Variants in DCAKD observed in about 807,000 individuals in gnomAD.
The protein encoded by DCAKD is dephospho-CoA kinase domain-containing protein.
In DCAKD, 15 loss-of-function variants were observed where a neutral mutation model predicts 18.7. That is an observed-to-expected ratio of 0.80 (90% CI 0.54 to 1.24). The LOEUF is 1.24. Ranked by LOEUF, DCAKD falls within the 50% of genes most tolerant of loss-of-function variation. DCAKD has a pLI of 0.00. For synonymous variants in DCAKD, 130 were observed against 133.0 expected, an observed-to-expected ratio of 0.98 and a Z score of 0.16; for missense variants, 301 against 322.0, an observed-to-expected ratio of 0.93 and a Z score of 0.50.
chr17:45,029,258 TG>T (rs2053124019), intron 4 of DCAKD, among the ~76,000 whole-genome samples: 1 of 152,140 alleles, frequency 6.6e-6, no homozygotes, highest in African/African-American at 2.4e-5. Context: ...CGACAGCCCA[TG>T]GGGACCCAGG....
At chr17:45,029,044 C>G (rs2053118743) in intron 4 of DCAKD, among the ~76,000 whole-genome samples, 1 of 152,242 alleles carries the variant, frequency 6.6e-6, no homozygotes, top group Non-Finnish European at 1.5e-5. Flanking sequence ...TCCCTAAATA[C>G]AAAGCTCCAA....
At position 45,024,947 on chromosome 17, in the gene DCAKD, C is replaced by CA. The variant is rs547405256; in HGVS notation, c.405-224dup. Among the ~76,000 whole-genome samples, 250 of 151,814 alleles carry CA rather than the reference C, an allele frequency of 1.6e-3. 1 individual carries two copies. Among genetic ancestry groups the CA allele is most frequent in the African/African-American group, 5.7e-3 (236 of 41,402 alleles). ...CCCACTCCACTCACTGTGAGGAACC[C>CA]AGAGCTCTATGGGCTACGGAAGCCC... On this transcript the variant is annotated intron_variant, in intron 4 of 4. Transcript: ENST00000651974.
At chr17:45,039,835 G>T (rs1417730680) in intron 1 of DCAKD, among the ~76,000 whole-genome samples, 1 of 152,232 alleles carries the variant, frequency 6.6e-6, no homozygotes, top group Non-Finnish European at 1.5e-5. Flanking sequence ...CTCCCCTGGG[G>T]CCAGGCGCAG....
chr17:45,028,016 C>T (rs1405447212), intron 4 of DCAKD, among the ~76,000 whole-genome samples: 3 of 150,092 alleles, frequency 2.0e-5, no homozygotes, highest in Non-Finnish European at 4.4e-5. Context: ...AAGCAAAGCA[C>T]AGGAAGGACA....
At chr17:45,044,650 C>T (rs62065821) in intron 1 of DCAKD, among the ~76,000 whole-genome samples, 23,489 of 151,496 alleles carry the variant, frequency 0.16, 2,100 homozygotes, top group Middle Eastern at 0.22. Context: ...CGAGATTGTG[C>T]CATTGCACTC....
chr17:45,028,189 A>G (rs1448949543), intron 4 of DCAKD, among the ~76,000 whole-genome samples: 1 of 150,092 alleles, frequency 6.7e-6, no homozygotes, highest in East Asian at 2.0e-4. Flanking sequence ...GCTCACTCCA[A>G]GCTCCGCCTC....
chr17:45,039,625 G>A (rs2053381810), intron 1 of DCAKD, among the ~76,000 whole-genome samples: 1 of 152,184 alleles, frequency 6.6e-6, no homozygotes, highest in Non-Finnish European at 1.5e-5. Context: ...GGCCCAGGGT[G>A]GTAAGGACTC....
intron 1 of DCAKD, among the ~76,000 whole-genome samples, chr17:45,041,437 A>G (rs2053433733): frequency 6.6e-6 from 1 of 151,834 alleles, no homozygotes. Context: ...CAGCCTCCCA[A>G]GCAGCTGAGG....
upstream of DCAKD, among the ~76,000 whole-genome samples, chr17:45,055,733 C>T (rs1458053357): frequency 3.3e-5 from 5 of 152,216 alleles, no homozygotes; most frequent in East Asian, 7.7e-4. Flanking sequence ...TTCTTAGGCA[C>T]TGTGCTAGAA....
intron 1 of DCAKD, among the ~76,000 whole-genome samples, chr17:45,036,544 C>T (rs1263295791): frequency 6.6e-6 from 1 of 151,830 alleles, no homozygotes; most frequent in Non-Finnish European, 1.5e-5. Context: ...AAAGAAAATG[C>T]ATCTGCAGTC....
chr17:45,058,895 T>C (rs2053817467), intron 1 of DCAKD, among the ~76,000 whole-genome samples: 1 of 152,170 alleles, frequency 6.6e-6, no homozygotes, highest in Non-Finnish European at 1.5e-5. Flanking sequence ...GACTGAGGAT[T>C]ATCTGCTGCT....
chr17:45,059,669 A>G (rs1171654333), intron 1 of DCAKD, among the ~76,000 whole-genome samples: 1 of 152,238 alleles, frequency 6.6e-6, no homozygotes. Context: ...ATAGTGTATC[A>G]GAAAATGGGA....
intron 1 of DCAKD, among the ~76,000 whole-genome samples, chr17:45,043,904 C>T (rs561630428): frequency 6.6e-6 from 1 of 152,066 alleles, no homozygotes; most frequent in African/African-American, 2.4e-5. Flanking sequence ...GCCCGGCCAG[C>T]GCTACCTCCC....
chr17:45,035,564 G>A (rs1256167591), intron 1 of DCAKD, among the ~76,000 whole-genome samples: 1 of 151,352 alleles, frequency 6.6e-6, no homozygotes, highest in African/African-American at 2.4e-5. Context: ...GTCAGGTGCT[G>A]TTAGGCAGCA....
chr17:45,046,164 T>C (rs1283958411), intron 1 of DCAKD, among the ~76,000 whole-genome samples: 1 of 152,124 alleles, frequency 6.6e-6, no homozygotes. Context: ...ACAAAACCTT[T>C]CCACATTACT....
At chr17:45,045,520 T>C (rs2143336219) in intron 1 of DCAKD, among the ~76,000 whole-genome samples, 1 of 152,096 alleles carries the variant, frequency 6.6e-6, no homozygotes, top group Middle Eastern at 3.4e-3. Context: ...TCACTTGAGG[T>C]CAGGAGTTCA....
chr17:45,034,910 G>T lies in DCAKD; in HGVS notation c.-25C>A, dbSNP rs372832439. 6.2e-7 allele frequency: 1 copy of T among 1,610,946 alleles called. No homozygotes were observed. Among genetic ancestry groups the T allele is most frequent in the Non-Finnish European group, 8.5e-7 (1 of 1,177,588 alleles). ...TCTTCCAGGAAAGAGAGCTGTCCGC[G>T]AGACTACGGAGCCAGGAGCTACAGA... On this transcript the variant is annotated 5_prime_UTR_variant, in exon 2 of 5. An upstream open reading frame in the 5' UTR gains an earlier in-frame stop. Coordinates refer to ENST00000651974, the MANE Select transcript of DCAKD (RefSeq NM_001288655.2).
chr17:45,049,396 T>G lies in DCAKD; in HGVS notation c.-115+1965A>C, dbSNP rs546836914. On this transcript the variant is annotated intron_variant, in intron 1 of 4. Transcript: ENST00000651974. ...CAGTAACCAGTGACTGCCACTGCAC[T>G]CCAGCTTGAGCAACAGAGCAAGATC... 6.8e-4 allele frequency among the ~76,000 whole-genome samples: 103 copies of G among 151,878 alleles called. 1 individual carries two copies. Among genetic ancestry groups the G allele is most frequent in the African/African-American group, 2.5e-3 (102 of 41,366 alleles).
chr17:45,048,294 G>C (rs12453616), intron 1 of DCAKD, among the ~76,000 whole-genome samples: 23,431 of 152,018 alleles, frequency 0.15, 2,104 homozygotes, highest in Non-Finnish European at 0.2. Context: ...CTTGAGGCCA[G>C]GAGTTTGAGA....
Sources: gnomAD v4.1 joint callset for allele counts (sites outside exome capture counted in the v4.1 genomes callset) on GRCh38, gnomAD v4.1.1 for gene constraint, MANE v1.5 for transcripts, NCBI Gene and HGNC (gene_info 2026-07-23, HGNC 2026-07-21) for gene names.